The following MAP6D1 variants were observed in gnomAD, a reference collection of about 807,000 sequenced individuals.
MAP6D1 encodes the protein MAP6 domain-containing protein 1.
In MAP6D1, 13 loss-of-function variants were observed where a neutral mutation model predicts 17.4. The observed-to-expected ratio is 0.75, with a 90% CI of 0.49 to 1.19. The LOEUF (loss-of-function observed/expected upper bound fraction) is 1.19. MAP6D1 is among the 50% of genes most tolerant of loss of function. The probability of loss-of-function intolerance (pLI) is 0.00; values close to 1 mark genes in which losing one functional copy is unlikely to be tolerated. For synonymous variants in MAP6D1, 141 were observed against 145.7 expected (o/e 0.97, Z 0.23); for missense variants, 313 against 312.6 (o/e 1.00, Z -0.01).
intron 1 of MAP6D1, among the ~76,000 whole-genome samples, chr3:183,822,240 AACACAC>A (rs60341893): frequency 0.044 from 6,083 of 138,430 alleles, 228 homozygotes; most frequent in African/African-American, 0.1. Flanking sequence ...CCATCTCTAA[AACACAC>A]ACACACACAC....
chr3:183,817,494 C>G (rs1197086060), intron 2 of MAP6D1, 58 bp from the exon 3 acceptor site: 1 of 1,433,800 alleles, frequency 7.0e-7, no homozygotes, highest in East Asian at 2.5e-5. Context: ...CCCTACTCTT[C>G]CCCACTACCC....
At chr3:183,819,711 GGATTGGGAGGCCT>G (rs1259933182) in intron 1 of MAP6D1, among the ~76,000 whole-genome samples, 5 of 152,248 alleles carry the variant, frequency 3.3e-5, no homozygotes, top group African/African-American at 1.2e-4. Context: ...CCCGGACAGA[GGATTGGGAGGCCT>G]GGGTTCTCAG....
chr3:183,824,745 C>T (rs1727336370), intron 1 of MAP6D1, among the ~76,000 whole-genome samples: 1 of 152,248 alleles, frequency 6.6e-6, no homozygotes, highest in Non-Finnish European at 1.5e-5. Context: ...CCAACGCCCG[C>T]ACACTAGGCA....
chr3:183,825,265 C>T lies in MAP6D1; in HGVS notation c.283G>A (p.Gly95Ser). ...TGCGCGGAGGATTTGCCCCTGCGGC[C>T]GCCCGCCCCCGGTCCGCGCCCCGGC... is the stretch of plus-strand genomic sequence containing the variant. Reference protein sequence around the residue: ...PPPGRGPGAGGRRGKSSAQSS... With the variant: ...PPPGRGPGAGSRRGKSSAQSS... The change falls in exon 1 of 3, where the codon GGC becomes AGC. Residue 95 changes from glycine to serine, a missense_variant. Transcript: ENST00000318631. 7.4e-7 allele frequency: 1 copy of T among 1,345,710 alleles called. No individual in the cohort carries two copies. The highest frequency in any genetic ancestry group is 9.5e-7 in the Non-Finnish European group (1 of 1,050,718). 83.4% of individuals were successfully genotyped at this position (1,345,710 alleles called of 1,614,324 possible).
chr3:183,817,055 A>G lies in MAP6D1; in HGVS notation c.*301T>C, dbSNP rs1727127050. ...CTTCCATGGACCAATTCGGTTCCCA[A>G]CTGACTTGATCCTCAGGCTCCTCAG... On this transcript the variant is annotated 3_prime_UTR_variant, in exon 3 of 3. Transcript: ENST00000318631. 3 of 412,632 alleles carry G rather than the reference A, an allele frequency of 7.3e-6. No individual in the cohort carries two copies. The highest frequency in any genetic ancestry group is 5.2e-5 in the East Asian group (1 of 19,076). The allele number at this position is 412,632 out of a possible 1,614,324, so 25.6% of individuals were successfully genotyped here.
chr3:183,817,886 G>T, intron 2 of MAP6D1, 108 bp downstream of exon 2: 1 of 883,246 alleles, frequency 1.1e-6, no homozygotes, highest in Non-Finnish European at 1.8e-6. Flanking sequence ...TGGCACTGCT[G>T]TCCCTGGTCA....
At chr3:183,824,878 C>T (rs1165414968) in intron 1 of MAP6D1, among the ~76,000 whole-genome samples, 4 of 152,362 alleles carry the variant, frequency 2.6e-5, no homozygotes, top group African/African-American at 9.6e-5. Flanking sequence ...GACGGCTGCC[C>T]CCAGGAGGGC....
chr3:183,823,930 C>T (rs1727314026), intron 1 of MAP6D1, among the ~76,000 whole-genome samples: 2 of 152,260 alleles, frequency 1.3e-5, no homozygotes, highest in Non-Finnish European at 2.9e-5. Flanking sequence ...ACCATCTCCT[C>T]AGACATCCAT....
Position 183,817,013 on chromosome 3 carries a change from G to C in MAP6D1, c.*343C>G, listed in dbSNP as rs900381269. 1 of 314,410 alleles carries C rather than the reference G, an allele frequency of 3.2e-6. No individual in the cohort carries two copies. The highest frequency in any genetic ancestry group is 2.2e-5 in the African/African-American group (1 of 45,222). 19.5% of individuals were successfully genotyped at this position (314,410 alleles called of 1,614,324 possible). ...TAACTGGTTCTTTCAAGGGCCGGAT[G>C]TGTCCACATTCCTCAGCTTCCATGG... On this transcript the variant is annotated 3_prime_UTR_variant, in exon 3 of 3. Coordinates refer to ENST00000318631, the MANE Select transcript of MAP6D1 (RefSeq NM_024871.4).
At position 183,817,257 on chromosome 3, in the gene MAP6D1, G is replaced by A; in HGVS notation, c.*99C>T. The A allele has an allele frequency of 8.1e-7, 1 of 1,228,682 alleles. No individual in the cohort carries two copies. The allele number at this position is 1,228,682 out of a possible 1,614,324, so 76.1% of individuals were successfully genotyped here. A position where few individuals can be genotyped will look rare whatever the true frequency, so the allele number is the denominator to read the frequency against. On this transcript the variant is annotated 3_prime_UTR_variant, in exon 3 of 3. Transcript: ENST00000318631. Reference sequence around the variant, plus strand: ...TGAGAGGGGCTGTGCCCTCCCGCAGGGGCCCATGCCATGCTCTCGCCCAGC... The same window carrying A: ...TGAGAGGGGCTGTGCCCTCCCGCAGAGGCCCATGCCATGCTCTCGCCCAGC...
At chr3:183,824,429 A>C (rs988721603) in intron 1 of MAP6D1, among the ~76,000 whole-genome samples, 3 of 152,270 alleles carry the variant, frequency 2.0e-5, no homozygotes, top group African/African-American at 7.2e-5. Flanking sequence ...GTACAGTAAG[A>C]ATCTAACCAC....
In MAP6D1 at chr3:183,825,139, G is replaced by A. The variant is rs1171135743; in HGVS notation, c.401+8C>T. ...GGGGACTCGTTGCGGTCCCTACCCA[G>A]CCCATACCTGTACGACGTGGTCACT... On this transcript the variant is annotated splice_region_variant and intron_variant, in intron 1 of 2. Coordinates refer to ENST00000318631, the MANE Select transcript of MAP6D1 (RefSeq NM_024871.4). 2.8e-6 allele frequency: 4 copies of A among 1,442,066 alleles called. No individual in the cohort carries two copies. Among genetic ancestry groups the A allele is most frequent in the Non-Finnish European group, 3.7e-6 (4 of 1,094,342 alleles). The allele number at this position is 1,442,066 out of a possible 1,614,324, so 89.3% of individuals were successfully genotyped here. A position where few individuals can be genotyped will look rare whatever the true frequency, so the allele number is the denominator to read the frequency against.
In MAP6D1 at chr3:183,817,285, C is replaced by T. The variant is rs1268767207; in HGVS notation, c.*71G>A. 1.2e-5 allele frequency: 17 copies of T among 1,457,296 alleles called. No homozygotes were observed. The highest frequency in any genetic ancestry group is 2.0e-5 in the Admixed American group (1 of 50,768). The allele number at this position is 1,457,296 out of a possible 1,614,324, so 90.3% of individuals were successfully genotyped here. ...CCCATGCCATGCTCTCGCCCAGCCC[C>T]GCGGCAGTGGGTCCTGAGGCCGCTC... is the stretch of plus-strand genomic sequence containing the variant. On this transcript the variant is annotated 3_prime_UTR_variant, in exon 3 of 3. Coordinates refer to ENST00000318631, the MANE Select transcript of MAP6D1 (RefSeq NM_024871.4).
Position 183,816,038 on chromosome 3 carries a change from A to C in MAP6D1, c.*1318T>G, listed in dbSNP as rs1560353525. On this transcript the variant is annotated 3_prime_UTR_variant, in exon 3 of 3. Coordinates refer to ENST00000318631, the MANE Select transcript of MAP6D1 (RefSeq NM_024871.4). Reference sequence around the variant, plus strand: ...CAAACATGCAAGCCGTGAAGTCAGGAATAGCTGAACCCCTTGGATAAGCAC... The same window carrying C: ...CAAACATGCAAGCCGTGAAGTCAGGCATAGCTGAACCCCTTGGATAAGCAC... 1 of 152,240 alleles carries C rather than the reference A, an allele frequency of 6.6e-6. No homozygotes were observed. Among genetic ancestry groups the C allele is most frequent in the African/African-American group, 2.4e-5 (1 of 41,458 alleles). 9.4% of individuals were successfully genotyped at this position (152,240 alleles called of 1,614,324 possible).
intron 1 of MAP6D1, among the ~76,000 whole-genome samples, chr3:183,818,960 G>A (rs969674411): frequency 1.3e-5 from 2 of 152,224 alleles, no homozygotes; most frequent in Non-Finnish European, 2.9e-5. Flanking sequence ...CTGAACAAAA[G>A]GGACCTCCTT....
rs1380481799 is a variant in MAP6D1 at position 183,825,156 on chromosome 3, G to T, written c.392C>A (p.Thr131Lys). The change falls in exon 1 of 3, where the codon ACG becomes AAG. Residue 131 changes from threonine to lysine, a missense_variant. Coordinates refer to ENST00000318631, the MANE Select transcript of MAP6D1 (RefSeq NM_024871.4). ...GDADAAAAVT[T>K]SYRQEFQAWT... Reference sequence around the variant, plus strand: ...CCTACCCAGCCCATACCTGTACGACGTGGTCACTGCTGCAGCCGCGTCCGC... The same window carrying T: ...CCTACCCAGCCCATACCTGTACGACTTGGTCACTGCTGCAGCCGCGTCCGC... 1.1e-5 allele frequency: 16 copies of T among 1,452,816 alleles called. No individual in the cohort carries two copies. The highest frequency in any genetic ancestry group is 5.5e-5 in the Admixed American group (2 of 36,234). The allele number at this position is 1,452,816 out of a possible 1,614,324, so 90.0% of individuals were successfully genotyped here.
At chr3:183,819,260 G>T (rs1009574767) in intron 1 of MAP6D1, among the ~76,000 whole-genome samples, 1 of 152,250 alleles carries the variant, frequency 6.6e-6, no homozygotes, top group East Asian at 1.9e-4. Context: ...GGAGAGCTAG[G>T]CCGGGGCCCC....
chr3:183,819,373 C>T (rs528346949), intron 1 of MAP6D1, among the ~76,000 whole-genome samples: 87 of 152,350 alleles, frequency 5.7e-4, no homozygotes, highest in African/African-American at 1.8e-3. Context: ...CCCCTGGGCG[C>T]GCCCTTCTGT....
Position 183,817,238 on chromosome 3 carries a change from G to T in MAP6D1, c.*118C>A. On this transcript the variant is annotated 3_prime_UTR_variant, in exon 3 of 3. Transcript: ENST00000318631. ...TTGGCCCTGGTGACAGCTTTGAGAG[G>T]GGCTGTGCCCTCCCGCAGGGGCCCA... 1 of 1,012,440 alleles carries T rather than the reference G, an allele frequency of 9.9e-7. No homozygotes were observed. The highest frequency in any genetic ancestry group is 1.5e-6 in the Non-Finnish European group (1 of 668,808). 62.7% of individuals were successfully genotyped at this position (1,012,440 alleles called of 1,614,324 possible). A position where few individuals can be genotyped will look rare whatever the true frequency, so the allele number is the denominator to read the frequency against.
Sources: allele counts gnomAD v4.1 joint callset (sites outside exome capture counted in the v4.1 genomes callset), GRCh38; gene constraint gnomAD v4.1.1; transcripts MANE v1.5; gene names NCBI Gene and HGNC (gene_info 2026-07-23, HGNC 2026-07-21).